The following APP variants were observed in gnomAD, a reference collection of about 807,000 sequenced individuals.
The protein encoded by APP is amyloid-beta precursor protein.
In APP, 31 loss-of-function variants were observed where a neutral mutation model predicts 101.4. The ratio of observed to expected loss-of-function variants is 0.31; its 90% CI spans 0.23 to 0.41. The LOEUF (loss-of-function observed/expected upper bound fraction) is 0.41, where lower values mean the gene tolerates loss of function less well. Ranked by LOEUF, APP falls within the 10% of genes least tolerant of loss-of-function variation. APP has a pLI of 1.00. For synonymous variants in APP, 366 were observed against 364.4 expected (o/e 1.00, Z -0.05); for missense variants, 839 against 1,003.7 (o/e 0.84, Z 2.22).
chr21:26,005,811 T>C (rs967052323), intron 6 of APP, among the ~76,000 whole-genome samples: 2 of 152,208 alleles, frequency 1.3e-5, no homozygotes, highest in African/African-American at 2.4e-5. Context: ...ATTACTATTA[T>C]CACTCAGTGG....
chr21:26,058,082 C>T (rs1265920092), intron 3 of APP, among the ~76,000 whole-genome samples: 2 of 152,140 alleles, frequency 1.3e-5, no homozygotes, highest in African/African-American at 4.8e-5. Context: ...TTCCATGATG[C>T]CATCAGGGAC....
At chr21:25,967,773 T>C (rs1193024690) in intron 11 of APP, among the ~76,000 whole-genome samples, 1 of 152,200 alleles carries the variant, frequency 6.6e-6, no homozygotes, top group African/African-American at 2.4e-5. Flanking sequence ...TATGAATAGT[T>C]TGAGTACGAG....
At chr21:26,134,162 G>A (rs1194447796) in intron 1 of APP, among the ~76,000 whole-genome samples, 1 of 152,182 alleles carries the variant, frequency 6.6e-6, no homozygotes, top group Non-Finnish European at 1.5e-5. Context: ...TATTTGTAGA[G>A]ATGAGGTCTC....
intron 1 of APP, among the ~76,000 whole-genome samples, chr21:26,126,909 G>T (rs2062696271): frequency 6.6e-6 from 1 of 150,774 alleles, no homozygotes; most frequent in South Asian, 2.1e-4. Context: ...TAATCCAACT[G>T]ACATCATATA....
At chr21:25,882,722 T>C (rs964047368) in intron 17 of APP, among the ~76,000 whole-genome samples, 2 of 152,124 alleles carry the variant, frequency 1.3e-5, no homozygotes, top group Non-Finnish European at 2.9e-5. Context: ...TCCTCTTTTG[T>C]AAAACCATGG....
chr21:26,022,880 T>C (rs908516566), intron 5 of APP, among the ~76,000 whole-genome samples: 1 of 149,696 alleles, frequency 6.7e-6, no homozygotes, highest in African/African-American at 2.5e-5. Flanking sequence ...CAATGCCCTG[T>C]GGTCAGGGAT....
intron 1 of APP, among the ~76,000 whole-genome samples, chr21:26,142,963 C>A (rs184711341): frequency 6.6e-6 from 1 of 152,234 alleles, no homozygotes; most frequent in East Asian, 1.9e-4. Flanking sequence ...ATTTTATAAT[C>A]TTTATTCCAT....
At chr21:25,947,718 C>A (rs187994716) in intron 13 of APP, among the ~76,000 whole-genome samples, 79 of 152,132 alleles carry the variant, frequency 5.2e-4, no homozygotes, top group Non-Finnish European at 9.4e-4. Flanking sequence ...TATAAATGTT[C>A]TTGGCCAGAT....
intron 13 of APP, among the ~76,000 whole-genome samples, chr21:25,926,078 A>G (rs2039884401): frequency 6.6e-6 from 1 of 152,238 alleles, no homozygotes; most frequent in African/African-American, 2.4e-5. Context: ...CATGCCTTGA[A>G]GTTTCTTATC....
At chr21:25,916,012 C>A (rs1233264668) in intron 13 of APP, among the ~76,000 whole-genome samples, 1 of 150,978 alleles carries the variant, frequency 6.6e-6, no homozygotes, top group Non-Finnish European at 1.5e-5. Flanking sequence ...AGGAAGAAAT[C>A]CACATTCCTA....
chr21:26,155,094 T>C (rs1158208402), intron 1 of APP, among the ~76,000 whole-genome samples: 1 of 151,810 alleles, frequency 6.6e-6, no homozygotes, highest in Non-Finnish European at 1.5e-5. Context: ...CTACCAAAAA[T>C]AAAAAAATTA....
chr21:25,958,545 A>G (rs13046930), intron 11 of APP, among the ~76,000 whole-genome samples: 22,151 of 105,598 alleles, frequency 0.21, 1,906 homozygotes, highest in Admixed American at 0.26. Flanking sequence ...CCAAAGTGCT[A>G]GGATTACAGG....
intron 5 of APP, among the ~76,000 whole-genome samples, chr21:26,034,931 G>C (rs1054639933): frequency 4.6e-5 from 7 of 152,078 alleles, no homozygotes; most frequent in African/African-American, 1.4e-4. Flanking sequence ...ATTCATTTCA[G>C]AATGGAAGTA....
chr21:25,890,417 C>A (rs2037612311), intron 17 of APP, among the ~76,000 whole-genome samples: 1 of 152,154 alleles, frequency 6.6e-6, no homozygotes, highest in African/African-American at 2.4e-5. Context: ...CTTCAACTCC[C>A]TAGAAACACC....
At chr21:25,943,462 T>C (rs1256333627) in intron 13 of APP, among the ~76,000 whole-genome samples, 18 of 148,134 alleles carry the variant, frequency 1.2e-4, no homozygotes, top group Admixed American at 4.0e-4. Context: ...TTTTTTTTTT[T>C]TCTCTTTTGA....
At chr21:26,165,747 T>C (rs1388423408) in intron 1 of APP, among the ~76,000 whole-genome samples, 1 of 152,212 alleles carries the variant, frequency 6.6e-6, no homozygotes, top group East Asian at 1.9e-4. Flanking sequence ...CTTCAACATG[T>C]AGCCACACAA....
At chr21:26,103,598 C>CAA (rs200035420) in intron 2 of APP, among the ~76,000 whole-genome samples, 2 of 149,952 alleles carry the variant, frequency 1.3e-5, no homozygotes, top group Non-Finnish European at 3.0e-5. Flanking sequence ...GAGATCCCGT[C>CAA]AAAAAAAAGA....
chr21:26,104,632 A>C (rs960057343), intron 2 of APP, among the ~76,000 whole-genome samples: 9 of 152,208 alleles, frequency 5.9e-5, no homozygotes, highest in African/African-American at 1.9e-4. Context: ...GGCAAAAAAA[A>C]CACTATGAAT....
chr21:25,969,918 A>AGGGGAAGGGAGGGGAGGGGAGGGGAG (rs2041958802), intron 11 of APP, among the ~76,000 whole-genome samples: 1 of 2,334 alleles, frequency 4.3e-4, no homozygotes, highest in Non-Finnish European at 9.2e-4. Context: ...GGGGAGGGGA[A>AGGGGAAGGGAGGGGAGGGGAGGGGAG]GAGAAAAGGA....
Sources: allele counts gnomAD v4.1 joint callset (sites outside exome capture counted in the v4.1 genomes callset), GRCh38; gene constraint gnomAD v4.1.1; transcripts MANE v1.5; gene names NCBI Gene and HGNC (gene_info 2026-07-23, HGNC 2026-07-21).